TBCD: variants seen among roughly 807,000 people sequenced by gnomAD.
TBCD encodes the protein tubulin folding cofactor D.
TBCD carries 105 observed loss-of-function variants against 169.3 expected under a neutral mutation model. The ratio of observed to expected loss-of-function variants is 0.62; its 90% confidence interval spans 0.53 to 0.73. The LOEUF (loss-of-function observed/expected upper bound fraction) is 0.73, where lower values mean the gene tolerates loss of function less well. TBCD is among the 30% of genes least tolerant of loss of function. The pLI is 0.00. For synonymous variants in TBCD, 700 were observed against 643.9 expected (o/e 1.09, Z -1.32); for missense variants, 1,444 against 1,600.1 (o/e 0.90, Z 1.66).
rs909741922 is a variant in TBCD, at chr17:82,806,537, C to T, written c.1087+526C>T. ...GCCATCCTGGGCTCCTGTCCACACA[C>T]TGTCCTGCCCTCCTGCCGCGGTTGG... On this transcript the variant is annotated intron_variant, in intron 10 of 38. Transcript: ENST00000355528. This position sits in a 1 kb window ranked among gnomAD's most constrained non-coding sequence, Gnocchi z 5.1. Among the ~76,000 whole-genome samples the T allele has an allele frequency of 6.6e-6, 1 of 152,154 alleles. No homozygotes were observed. The highest frequency in any genetic ancestry group is 1.5e-5 in the Non-Finnish European group (1 of 68,012).
intron 2 of TBCD, among the ~76,000 whole-genome samples, chr17:82,763,758 A>T (rs1245965664): frequency 6.6e-6 from 1 of 152,068 alleles, no homozygotes; most frequent in Non-Finnish European, 1.5e-5. Flanking sequence ...AAGAAAAAAA[A>T]GAGACGGGTT....
intron 14 of TBCD, among the ~76,000 whole-genome samples, chr17:82,873,514 T>C (rs1741559226): frequency 6.6e-6 from 1 of 152,124 alleles, no homozygotes; most frequent in Admixed American, 6.5e-5. Context: ...GGTGCAACTG[T>C]CCGAACAAAT....
In TBCD at chr17:82,938,153, G is replaced by A. The variant is rs1294863096; in HGVS notation, c.3369+17G>A. ...TTCCCGCTGGTGAGTGCCTGCCCCT[G>A]CTCACGTGTGTTTGCCGTGTGGACA... is the stretch of plus-strand genomic sequence containing the variant. On this transcript the variant is annotated intron_variant, in intron 36 of 38. Coordinates refer to ENST00000355528, the MANE Select transcript of TBCD (RefSeq NM_005993.5). 2 of 1,608,288 alleles carry A rather than the reference G, an allele frequency of 1.2e-6. No homozygotes were observed. The highest frequency in any genetic ancestry group is 3.3e-5 in the Admixed American group (2 of 59,714).
intron 32 of TBCD, 117 bp downstream of exon 32, chr17:82,929,617 C>A: frequency 7.1e-7 from 1 of 1,417,612 alleles, no homozygotes; most frequent in East Asian, 2.4e-5. Flanking sequence ...TTCTATCTCT[C>A]TCGGGCATAT....
intron 21 of TBCD, 27 bp downstream of exon 21, chr17:82,907,848 C>G: frequency 1.2e-6 from 2 of 1,609,204 alleles, no homozygotes; most frequent in Non-Finnish European, 1.7e-6. Flanking sequence ...TGGGTGTACC[C>G]TCAGGAGGCA....
intron 13 of TBCD, among the ~76,000 whole-genome samples, chr17:82,861,118 C>T (rs1264931375): frequency 6.6e-6 from 1 of 152,106 alleles, no homozygotes; most frequent in Non-Finnish European, 1.5e-5. Flanking sequence ...CCTGTCACCG[C>T]CTGCTGCTGG....
intron 16 of TBCD, among the ~76,000 whole-genome samples, chr17:82,891,409 C>T (rs754294535): frequency 1.2e-4 from 19 of 152,194 alleles, no homozygotes; most frequent in African/African-American, 2.2e-4. Flanking sequence ...GACCAGCATG[C>T]GGACGGCAGC....
chr17:82,906,900 A>G (rs901965084), intron 20 of TBCD, among the ~76,000 whole-genome samples: 2 of 152,248 alleles, frequency 1.3e-5, no homozygotes, highest in Non-Finnish European at 2.9e-5. Context: ...GTTGTGGAAG[A>G]AGGCACATGG....
chr17:82,899,926 T>A (rs2059774277), intron 17 of TBCD, among the ~76,000 whole-genome samples: 1 of 152,266 alleles, frequency 6.6e-6, no homozygotes, highest in African/African-American at 2.4e-5. Flanking sequence ...TTGTGATGTT[T>A]ATGTACAAAT....
intron 8 of TBCD, 66 bp downstream of exon 8, chr17:82,797,868 T>C: frequency 7.9e-7 from 1 of 1,263,954 alleles, no homozygotes; most frequent in Non-Finnish European, 1.1e-6. Flanking sequence ...ATCAAGTGTC[T>C]TTCCTTAACA....
At chr17:82,764,129 C>A in intron 3 of TBCD, 67 bp downstream of exon 3, 3 of 1,231,356 alleles carry the variant, frequency 2.4e-6, no homozygotes, top group South Asian at 2.6e-5. Context: ...AGAGGTTACC[C>A]TCCAAAATGT....
intron 7 of TBCD, among the ~76,000 whole-genome samples, chr17:82,794,023 C>T (rs1042782322): frequency 6.6e-6 from 1 of 152,216 alleles, no homozygotes; most frequent in African/African-American, 2.4e-5. Context: ...GCCTCAGTGC[C>T]GGCCGGCACT....
Position 82,874,452 on chromosome 17 carries a change from C to T in TBCD, c.1475+4072C>T, listed in dbSNP as rs1203264384. On this transcript the variant is annotated intron_variant, in intron 14 of 38. Transcript: ENST00000355528. This position sits in a 1 kb window ranked among gnomAD's most constrained non-coding sequence, Gnocchi z 5.0. ...GGCTCCCGGGTTCCCTTGCGCACAC[C>T]GAGCCAGCAGCTGCTGGGGCCTCAG... Among the ~76,000 whole-genome samples the T allele has an allele frequency of 2.0e-5, 3 of 152,126 alleles. No homozygotes were observed. The highest frequency in any genetic ancestry group is 2.9e-5 in the Non-Finnish European group (2 of 68,004).
At chr17:82,878,126 G>A (rs780340264) in intron 14 of TBCD, among the ~76,000 whole-genome samples, 25 of 152,226 alleles carry the variant, frequency 1.6e-4, no homozygotes, top group Non-Finnish European at 2.6e-4. Flanking sequence ...GCCAGGAAGT[G>A]CAGTGTGGGA....
At chr17:82,879,269 C>T (rs1454988315) in intron 14 of TBCD, among the ~76,000 whole-genome samples, 1 of 152,016 alleles carries the variant, frequency 6.6e-6, no homozygotes, top group Non-Finnish European at 1.5e-5. Flanking sequence ...CCCTCTGTAG[C>T]TGAGTGTGTG....
At chr17:82,796,951 G>A (rs749682572) in intron 7 of TBCD, among the ~76,000 whole-genome samples, 6 of 152,192 alleles carry the variant, frequency 3.9e-5, no homozygotes, top group Admixed American at 3.3e-4. Flanking sequence ...CAGGGGTGGC[G>A]TGGTGTGCGG....
At chr17:82,807,564 A>C in intron 10 of TBCD, 44 bp from the exon 11 acceptor site, 1 of 1,416,360 alleles carries the variant, frequency 7.1e-7, no homozygotes, top group East Asian at 2.8e-5. Flanking sequence ...GAAACTAGGA[A>C]CTTTGTGTGG....
intron 14 of TBCD, among the ~76,000 whole-genome samples, chr17:82,883,146 G>C (rs1014603445): frequency 6.6e-6 from 1 of 152,250 alleles, no homozygotes; most frequent in Non-Finnish European, 1.5e-5. Flanking sequence ...ATGTTGACGC[G>C]GGCCCCGCCC....
chr17:82,807,540 CACCTT>C (rs753105602), intron 10 of TBCD, 63 bp from the exon 11 acceptor site: 12 of 1,295,750 alleles, frequency 9.3e-6, no homozygotes, highest in Non-Finnish European at 1.1e-5. Flanking sequence ...CAGGATGGGT[CACCTT>C]ACAGCTGGGA....
Sources: gnomAD v4.1 joint callset for allele counts (sites outside exome capture counted in the v4.1 genomes callset) on GRCh38, gnomAD v4.1.1 for gene constraint, Gnocchi (gnomAD v3.1) non-coding constraint, MANE v1.5 for transcripts, NCBI Gene and HGNC (gene_info 2026-07-23, HGNC 2026-07-21) for gene names.